TNFAIP1: variants seen among roughly 807,000 people sequenced by gnomAD.
The protein encoded by TNFAIP1 is TNF alpha induced protein 1.
TNFAIP1 carries 20 observed loss-of-function variants against 32.6 expected under a neutral mutation model. That is an observed-to-expected ratio of 0.61 (90% CI 0.43 to 0.89). The LOEUF (loss-of-function observed/expected upper bound fraction) is 0.89. Among genes scored for constraint, TNFAIP1 ranks in the 40% least tolerant of loss-of-function variants. The probability of loss-of-function intolerance (pLI) is 0.00; values close to 1 mark genes in which losing one functional copy is unlikely to be tolerated. For missense variants in TNFAIP1, 319 were observed against 425.1 expected (o/e 0.75, Z 2.20); for synonymous variants, 166 against 166.8 (o/e 1.00, Z 0.04).
chr17:28,338,942 G>T (rs1209566789), intron 1 of TNFAIP1, among the ~76,000 whole-genome samples: 1 of 151,878 alleles, frequency 6.6e-6, no homozygotes, highest in African/African-American at 2.4e-5. Flanking sequence ...AGTAAAAATG[G>T]CAGGGAGGCC....
rs1479527592 is a variant in TNFAIP1 at position 28,345,961 on chromosome 17, G to A, written c.*1361G>A. On this transcript the variant is annotated 3_prime_UTR_variant, in exon 7 of 7. Transcript: ENST00000226225. ...ATTATTTTCCAAAGGAATGCTGTCA[G>A]GGAGGGACTGTTCTGCCAGCCTAAC... is the stretch of plus-strand genomic sequence containing the variant. 6.6e-6 allele frequency: 1 copy of A among 152,244 alleles called. No homozygotes were observed. Among genetic ancestry groups the A allele is most frequent in the East Asian group, 1.9e-4 (1 of 5,200 alleles). The allele number at this position is 152,244 out of a possible 1,614,324, so 9.4% of individuals were successfully genotyped here.
chr17:28,344,797 G>T lies in TNFAIP1; in HGVS notation c.*197G>T. ...TGCCTTGCCCCTGAGCACTTCTGGAGACTGCGTCCTGTCCTATCTGCTCAC... is the reference window on the plus strand; with the variant it reads ...TGCCTTGCCCCTGAGCACTTCTGGATACTGCGTCCTGTCCTATCTGCTCAC... On this transcript the variant is annotated 3_prime_UTR_variant, in exon 7 of 7. Transcript: ENST00000226225. The T allele has an allele frequency of 1.6e-6, 1 of 608,560 alleles. No individual in the cohort carries two copies. Among genetic ancestry groups the T allele is most frequent in the Non-Finnish European group, 2.9e-6 (1 of 343,078 alleles). 37.7% of individuals were successfully genotyped at this position (608,560 alleles called of 1,614,324 possible). A position where few individuals can be genotyped will look rare whatever the true frequency, so the allele number is the denominator to read the frequency against.
In TNFAIP1 at chr17:28,342,446, T is replaced by C. The variant is rs1555578321; in HGVS notation, c.714+4T>C. 1 of 1,576,964 alleles carries C rather than the reference T, an allele frequency of 6.3e-7. No individual in the cohort carries two copies. The highest frequency in any genetic ancestry group is 8.7e-7 in the Non-Finnish European group (1 of 1,149,916). ...CACGGAGAAGAAGCAGACCAAGGTG[T>C]GGGGGATTGCCCCTGCCTGGGTAGG... On this transcript the variant is annotated splice_donor_region_variant and intron_variant, in intron 6 of 6. Transcript: ENST00000226225. The surrounding 1 kb of genome is among the most constrained non-coding windows in gnomAD (Gnocchi z 4.0).
rs532921806 is a variant in TNFAIP1, at chr17:28,336,537, C to T, written c.-115+681C>T. ...TCTTGGCAGGCCTATCCTTTGAGCT[C>T]CTTTGCATTGGCAGAACATGTATGT... On this transcript the variant is annotated intron_variant, in intron 1 of 6. Coordinates refer to ENST00000226225, the MANE Select transcript of TNFAIP1 (RefSeq NM_021137.5). 2.0e-5 allele frequency: 3 copies of T among 152,328 alleles called. No individual in the cohort carries two copies. In the South Asian group the frequency reaches 6.2e-4, roughly 32 times the overall value. The allele number at this position is 152,328 out of a possible 1,614,324, so 9.4% of individuals were successfully genotyped here. A position where few individuals can be genotyped will look rare whatever the true frequency, so the allele number is the denominator to read the frequency against.
Position 28,339,516 on chromosome 17 carries a change from C to A in TNFAIP1, c.-6C>A. The A allele has an allele frequency of 6.3e-7, 1 of 1,589,026 alleles. No individual in the cohort carries two copies. The highest frequency in any genetic ancestry group is 8.6e-7 in the Non-Finnish European group (1 of 1,166,602). On this transcript the variant is annotated 5_prime_UTR_variant, in exon 2 of 7. Transcript: ENST00000226225. ...CTGCCGTGTGGTGATCTACCTGCAG[C>A]GGGAGATGTCGGGGGACACCTGCCT...
intron 5 of TNFAIP1, among the ~76,000 whole-genome samples, chr17:28,341,829 A>G (rs1410091559): frequency 2.0e-5 from 3 of 152,120 alleles, no homozygotes; most frequent in Non-Finnish European, 4.4e-5. Context: ...CCTCCAGGCC[A>G]TGTCCTCTCC....
chr17:28,341,249 T>C lies in TNFAIP1; in HGVS notation c.388T>C (p.Ser130Pro). 6.2e-7 allele frequency: 1 copy of C among 1,614,174 alleles called. No homozygotes were observed. Residue 130 changes from serine to proline, a missense_variant, in exon 4 of 7, where the codon TCC becomes CCC. Ser to Pro is a moderately conservative substitution (Grantham distance 74). Coordinates refer to ENST00000226225, the MANE Select transcript of TNFAIP1 (RefSeq NM_021137.5). ...CQSALQDKKD[S>P]YQPVCNIPII... Reference sequence around the variant, plus strand: ...CTGTGTCGCACAGGACAAGAAGGACTCCTACCAGCCTGTGTGCAACATCCC... The same window carrying C: ...CTGTGTCGCACAGGACAAGAAGGACCCCTACCAGCCTGTGTGCAACATCCC...
chr17:28,340,841 T>G lies in TNFAIP1; in HGVS notation c.375+363T>G, dbSNP rs1465367551. Among the ~76,000 whole-genome samples, 5 of 152,170 alleles carry G rather than the reference T, an allele frequency of 3.3e-5. No homozygotes were observed. The highest frequency in any genetic ancestry group is 5.9e-5 in the Non-Finnish European group (4 of 68,020). ...CTCACTGCAACTTCTGCCTCCTGGG[T>G]TCAAGTGATTCTCGTGATTTGGCCT... On this transcript the variant is annotated intron_variant, in intron 3 of 6. Transcript: ENST00000226225. The surrounding 1 kb of genome is among the most constrained non-coding windows in gnomAD (Gnocchi z 4.1).
At position 28,346,244 on chromosome 17, in the gene TNFAIP1, T is replaced by C. The variant is rs1190321184; in HGVS notation, c.*1644T>C. 1 of 152,368 alleles carries C rather than the reference T, an allele frequency of 6.6e-6. No homozygotes were observed. Among genetic ancestry groups the C allele is most frequent in the Middle Eastern group, 3.4e-3 (1 of 294 alleles). 9.4% of individuals were successfully genotyped at this position (152,368 alleles called of 1,614,324 possible). A position where few individuals can be genotyped will look rare whatever the true frequency, so the allele number is the denominator to read the frequency against. Reference sequence around the variant, plus strand: ...CACTAAGACTCTCAGGTCAGGTACCTTGGTGATCAGCTACTAGTTCTTCCA... The same window carrying C: ...CACTAAGACTCTCAGGTCAGGTACCCTGGTGATCAGCTACTAGTTCTTCCA... On this transcript the variant is annotated 3_prime_UTR_variant, in exon 7 of 7. Coordinates refer to ENST00000226225, the MANE Select transcript of TNFAIP1 (RefSeq NM_021137.5).
In TNFAIP1 at chr17:28,346,549, T is replaced by C. The variant is rs1907575176; in HGVS notation, c.*1949T>C. 6.6e-6 allele frequency: 1 copy of C among 152,260 alleles called. No homozygotes were observed. The highest frequency in any genetic ancestry group is 2.1e-4 in the South Asian group (1 of 4,836). The allele number at this position is 152,260 out of a possible 1,614,324, so 9.4% of individuals were successfully genotyped here. On this transcript the variant is annotated 3_prime_UTR_variant, in exon 7 of 7. Transcript: ENST00000226225. The stretch of plus-strand genomic sequence containing the variant: ...AGTCTTTTTTGCCGAGAAAGCACAG[T>C]AGTCTGGGACTGGGCATTTATCTTC...
intron 5 of TNFAIP1, among the ~76,000 whole-genome samples, chr17:28,341,961 C>T (rs1907376590): frequency 6.6e-6 from 1 of 152,224 alleles, no homozygotes; most frequent in Non-Finnish European, 1.5e-5. Flanking sequence ...GAATGCCTCC[C>T]ACTGACATAG....
intron 1 of TNFAIP1, among the ~76,000 whole-genome samples, chr17:28,336,763 A>G (rs1907182069): frequency 1.3e-5 from 2 of 152,198 alleles, no homozygotes; most frequent in Non-Finnish European, 2.9e-5. Context: ...GTGGCAAATG[A>G]AAGAGTCTCC....
rs1907380900 is a variant in TNFAIP1 at position 28,342,085 on chromosome 17, AG to A, written c.519-159del. ...TTTCCTCACAGGCCCCCCAACCCAG[AG>A]GGTACCCTATGATCCTTTCTCTCCT... On this transcript the variant is annotated intron_variant, in intron 5 of 6. Transcript: ENST00000226225. The surrounding 1 kb of genome is among the most constrained non-coding windows in gnomAD (Gnocchi z 4.0). Among the ~76,000 whole-genome samples, 1 of 150,326 alleles carries A rather than the reference AG, an allele frequency of 6.7e-6. No homozygotes were observed. Among genetic ancestry groups the A allele is most frequent in the Non-Finnish European group, 1.5e-5 (1 of 67,482 alleles).
intron 5 of TNFAIP1, 32 bp downstream of exon 5, chr17:28,341,488 G>A (rs782641034): frequency 2.5e-6 from 4 of 1,613,118 alleles, no homozygotes; most frequent in Non-Finnish European, 8.5e-7. Flanking sequence ...AACAGACACT[G>A]GGCAGCAGAC....
rs1555577823 is a variant in TNFAIP1, at chr17:28,339,577, G to C, written c.56G>C (p.Gly19Ala). 6.2e-7 allele frequency: 1 copy of C among 1,613,638 alleles called. No homozygotes were observed. The highest frequency in any genetic ancestry group is 1.1e-5 in the South Asian group (1 of 91,042). Residue 19 changes from glycine (G) to alanine (A), a missense_variant, in exon 2 of 7, where the codon GGC becomes GCC. Gly to Ala is a moderately conservative substitution (Grantham distance 60). Coordinates refer to ENST00000226225, the MANE Select transcript of TNFAIP1 (RefSeq NM_021137.5). ...PASGAKPKLSGFKGGGLGNKY... is the reference protein window; with the variant it reads ...PASGAKPKLSAFKGGGLGNKY... ...TCAGGGGCCAAGCCCAAGCTCAGTG[G>C]CTTCAAGGGAGGAGGGTTGGGCAAC...
Position 28,339,604 on chromosome 17 carries a change from A to C in TNFAIP1, c.83A>C (p.Lys28Thr). ...SGFKGGGLGN[K>T]YVQLNVGGSL... ...TTCAAGGGAGGAGGGTTGGGCAACAAGTATGTCCAGCTCAACGTGGGCGGC... is the reference window on the plus strand; with the variant it reads ...TTCAAGGGAGGAGGGTTGGGCAACACGTATGTCCAGCTCAACGTGGGCGGC... Residue 28 changes from lysine to threonine, a missense_variant, in exon 2 of 7, where the codon AAG becomes ACG. By Grantham distance (78) the Lys-to-Thr change is moderately conservative (BLOSUM62 -1). Coordinates refer to ENST00000226225, the MANE Select transcript of TNFAIP1 (RefSeq NM_021137.5). 4 of 1,613,972 alleles carry C rather than the reference A, an allele frequency of 2.5e-6. No homozygotes were observed. The highest frequency in any genetic ancestry group is 3.4e-6 in the Non-Finnish European group (4 of 1,179,992).
Position 28,341,330 on chromosome 17 carries a change from C to T in TNFAIP1, c.465+4C>T. ...GCTCATCGAATCCTCCACCAAGGTA[C>T]CAGGACCTCTGAGGGGTGCGGGCCG... On this transcript the variant is annotated splice_donor_region_variant and intron_variant, in intron 4 of 6. Coordinates refer to ENST00000226225, the MANE Select transcript of TNFAIP1 (RefSeq NM_021137.5). The T allele has an allele frequency of 6.2e-7, 1 of 1,614,228 alleles. No homozygotes were observed. The highest frequency in any genetic ancestry group is 8.5e-7 in the Non-Finnish European group (1 of 1,180,042).
At chr17:28,338,815 G>T (rs1555577703) in intron 1 of TNFAIP1, among the ~76,000 whole-genome samples, 1 of 151,920 alleles carries the variant, frequency 6.6e-6, no homozygotes, top group Non-Finnish European at 1.5e-5. Flanking sequence ...TCTCTAACTG[G>T]TTCCATGGGT....
chr17:28,344,454 G>A lies in TNFAIP1; in HGVS notation c.805G>A (p.Ala269Thr). 1 of 1,613,886 alleles carries A rather than the reference G, an allele frequency of 6.2e-7. No individual in the cohort carries two copies. Among genetic ancestry groups the A allele is most frequent in the Non-Finnish European group, 8.5e-7 (1 of 1,180,020 alleles). ...PRVPDNSLLEATSRSRSQASP... is the reference protein window; with the variant it reads ...PRVPDNSLLETTSRSRSQASP... ...CGTCCCCGACAACTCCTTGTTGGAG[G>A]CCACAAGCCGTAGCCGCAGCCAGGC... Residue 269 changes from alanine (A) to threonine (T), a missense_variant, in exon 7 of 7, where the codon GCC becomes ACC. Ala to Thr is a moderately conservative substitution (Grantham distance 58). Coordinates refer to ENST00000226225, the MANE Select transcript of TNFAIP1 (RefSeq NM_021137.5).
Sources: allele counts gnomAD v4.1 joint callset (sites outside exome capture counted in the v4.1 genomes callset), GRCh38; gene constraint gnomAD v4.1.1; non-coding constraint Gnocchi (gnomAD v3.1); transcripts MANE v1.5; gene names NCBI Gene and HGNC (gene_info 2026-07-23, HGNC 2026-07-21).